TMEM132B: variants seen among roughly 807,000 people sequenced by gnomAD.
TMEM132B encodes the protein transmembrane protein 132B.
A neutral mutation model predicts 90.8 loss-of-function variants in TMEM132B; 18 were observed. The ratio of observed to expected loss-of-function variants is 0.20; its 90% CI spans 0.14 to 0.29. The LOEUF is 0.29. Among genes scored for constraint, TMEM132B ranks in the 10% least tolerant of loss-of-function variants. TMEM132B has a pLI of 1.00. For synonymous variants in TMEM132B, 504 were observed against 523.3 expected, an observed-to-expected ratio of 0.96 and a Z score of 0.50; for missense variants, 1,096 against 1,326.8, an observed-to-expected ratio of 0.83 and a Z score of 2.70.
At chr12:125,364,868 C>A (rs1878077734) in intron 2 of TMEM132B, among the ~76,000 whole-genome samples, 1 of 151,904 alleles carries the variant, frequency 6.6e-6, no homozygotes, top group Admixed American at 6.6e-5. Context: ...TGTAACCTTG[C>A]CAAATTCACT....
At chr12:125,263,980 T>A (rs61943078) in intron 1 of TMEM132B, among the ~76,000 whole-genome samples, 43,209 of 152,110 alleles carry the variant, frequency 0.28, 6,571 homozygotes, top group Middle Eastern at 0.37. Flanking sequence ...TTCAGTGGCT[T>A]ACACACACAA....
intron 2 of TMEM132B, among the ~76,000 whole-genome samples, chr12:125,369,060 C>T (rs1878218933): frequency 6.6e-6 from 1 of 151,522 alleles, no homozygotes; most frequent in South Asian, 2.1e-4. Context: ...TGTGATGTTC[C>T]CCACCCTGTG....
In TMEM132B at chr12:125,310,909, C is replaced by T. The variant is rs746084461; in HGVS notation, c.68-38543C>T. Among the ~76,000 whole-genome samples, 331 of 152,324 alleles carry T rather than the reference C, an allele frequency of 2.2e-3. 3 individuals are homozygous for T. The highest frequency in any genetic ancestry group is 5.7e-4 in the Non-Finnish European group (39 of 68,036). Reference sequence around the variant, plus strand: ...GCTGAGCAATTATAGAAATCAAATACGATGTCACATCAAGTGGCCCATCAC... The same window carrying T: ...GCTGAGCAATTATAGAAATCAAATATGATGTCACATCAAGTGGCCCATCAC... On this transcript the variant is annotated intron_variant, in intron 1 of 8. Coordinates refer to ENST00000682704, the MANE Select transcript of TMEM132B (RefSeq NM_001366854.1).
chr12:125,561,377 A>G (rs6489005), intron 4 of TMEM132B, among the ~76,000 whole-genome samples: 143,611 of 150,890 alleles, frequency 0.95, 68,375 homozygotes, highest in African/African-American at 0.98. Flanking sequence ...GTCAGGGGGT[A>G]GGGGGCTAGG....
At chr12:125,624,831 G>A (rs1041572981) in intron 5 of TMEM132B, among the ~76,000 whole-genome samples, 4 of 152,168 alleles carry the variant, frequency 2.6e-5, no homozygotes, top group Non-Finnish European at 5.9e-5. Flanking sequence ...CCACTTTAGT[G>A]AGATCCTCCA....
In TMEM132B at chr12:125,460,588, G is replaced by A. The variant is rs561393741; in HGVS notation, c.1106+44911G>A. 9.2e-5 allele frequency among the ~76,000 whole-genome samples: 14 copies of A among 152,234 alleles called. No individual in the cohort carries two copies. The highest frequency in any genetic ancestry group is 2.2e-4 in the African/African-American group (9 of 41,558). Reference sequence around the variant, plus strand: ...GAAATCATCTCTCCTTCAGTCCAACGCATTTCACTCTTCAACAGTACTGCT... The same window carrying A: ...GAAATCATCTCTCCTTCAGTCCAACACATTTCACTCTTCAACAGTACTGCT... On this transcript the variant is annotated intron_variant, in intron 3 of 8. Transcript: ENST00000682704. The surrounding 1 kb of genome is among the most constrained non-coding windows in gnomAD (Gnocchi z 4.4).
chr12:125,249,624 T>A (rs1346175513), intron 1 of TMEM132B, among the ~76,000 whole-genome samples: 1 of 152,206 alleles, frequency 6.6e-6, no homozygotes, highest in African/African-American at 2.4e-5. Flanking sequence ...CGCAGCTGTC[T>A]CTGACAGGGG....
intron 5 of TMEM132B, among the ~76,000 whole-genome samples, chr12:125,591,386 C>G (rs1333668280): frequency 5.9e-5 from 9 of 152,104 alleles, no homozygotes; most frequent in Admixed American, 5.9e-4. Context: ...CGTAGCATCT[C>G]CAACTCTCTC....
chr12:125,619,806 C>A (rs564532362), intron 5 of TMEM132B, among the ~76,000 whole-genome samples: 1 of 152,172 alleles, frequency 6.6e-6, no homozygotes, highest in African/African-American at 2.4e-5. Flanking sequence ...GTAAGCATTG[C>A]GTCTTCCTGC....
At chr12:125,650,548 G>C in intron 6 of TMEM132B, 135 bp from the exon 7 acceptor site, 1 of 996,436 alleles carries the variant, frequency 1.0e-6, no homozygotes, top group Non-Finnish European at 1.5e-6. Context: ...GGAGTGGATA[G>C]ATGGCTGAGC....
intron 1 of TMEM132B, among the ~76,000 whole-genome samples, chr12:125,314,499 G>A (rs575972855): frequency 1.8e-4 from 28 of 152,248 alleles, no homozygotes; most frequent in African/African-American, 6.5e-4. Context: ...GGGCTTCCTG[G>A]GTTTCTTGTG....
intron 6 of TMEM132B, 126 bp from the exon 7 acceptor site, chr12:125,650,557 G>C: frequency 9.3e-7 from 1 of 1,074,368 alleles, no homozygotes; most frequent in South Asian, 1.6e-5. Flanking sequence ...AGATGGCTGA[G>C]CAGGTCCTGC....
intron 3 of TMEM132B, among the ~76,000 whole-genome samples, chr12:125,433,746 A>T (rs1479876832): frequency 6.8e-6 from 1 of 147,046 alleles, no homozygotes. Flanking sequence ...CTGGATTAAG[A>T]AAATGTGGCA....
At chr12:125,382,313 A>C (rs1029988145) in intron 2 of TMEM132B, among the ~76,000 whole-genome samples, 4 of 152,058 alleles carry the variant, frequency 2.6e-5, no homozygotes, top group Non-Finnish European at 5.9e-5. Context: ...TAGCATCTCC[A>C]TTTTTCTAGT....
intron 4 of TMEM132B, among the ~76,000 whole-genome samples, chr12:125,581,902 G>A (rs1472370126): frequency 6.6e-6 from 1 of 152,114 alleles, no homozygotes; most frequent in Non-Finnish European, 1.5e-5. Flanking sequence ...ATATATGTAA[G>A]TGTGCACAGA....
At chr12:125,524,353 A>T (rs1377611820) in intron 4 of TMEM132B, among the ~76,000 whole-genome samples, 1 of 152,234 alleles carries the variant, frequency 6.6e-6, no homozygotes, top group African/African-American at 2.4e-5. Context: ...CAGTTTCGTT[A>T]TCCTATTGAT....
intron 4 of TMEM132B, among the ~76,000 whole-genome samples, chr12:125,547,506 T>C (rs719066): frequency 0.13 from 19,125 of 152,236 alleles, 1,929 homozygotes; most frequent in East Asian, 0.58. Context: ...AACTGAGCTT[T>C]GTCGATAATA....
chr12:125,324,571 C>A (rs1276140756), intron 1 of TMEM132B, among the ~76,000 whole-genome samples: 1 of 151,436 alleles, frequency 6.6e-6, no homozygotes, highest in Admixed American at 6.6e-5. Context: ...AGCAGGCTAG[C>A]GAGCATTACT....
intron 3 of TMEM132B, among the ~76,000 whole-genome samples, chr12:125,426,645 G>A (rs961961794): frequency 6.6e-6 from 1 of 152,206 alleles, no homozygotes; most frequent in African/African-American, 2.4e-5. Flanking sequence ...GTGTGGCCAC[G>A]TCAAGGTGTT....
Sources: gnomAD v4.1 joint callset for allele counts (sites outside exome capture counted in the v4.1 genomes callset) on GRCh38, gnomAD v4.1.1 for gene constraint, Gnocchi (gnomAD v3.1) non-coding constraint, MANE v1.5 for transcripts, NCBI Gene and HGNC (gene_info 2026-07-23, HGNC 2026-07-21) for gene names.